Variants in DAB1 observed in about 807,000 individuals in gnomAD.
DAB1 encodes the protein DAB adaptor protein 1, also known as disabled homolog 1.
A neutral mutation model predicts 64.6 loss-of-function variants in DAB1; 15 were observed. The observed-to-expected ratio is 0.23, with a 90% CI of 0.16 to 0.36. DAB1 has a LOEUF of 0.36. DAB1 is among the 10% of genes least tolerant of loss of function. DAB1 has a pLI of 1.00. For missense variants in DAB1, 596 were observed against 706.7 expected (o/e 0.84, Z 1.78); for synonymous variants, 235 against 251.9 (o/e 0.93, Z 0.64).
At chr1:58,541,277 G>C (rs78654085) in intron 1 of DAB1, among the ~76,000 whole-genome samples, 34,453 of 103,772 alleles carry the variant, frequency 0.33, 5,812 homozygotes, top group Middle Eastern at 0.42. Context: ...CTGGGCAACA[G>C]AGTGAGACTC....
chr1:58,397,223 G>GAA (rs1644531061), intron 3 of DAB1, among the ~76,000 whole-genome samples: 1 of 152,192 alleles, frequency 6.6e-6, no homozygotes, highest in South Asian at 2.1e-4. Flanking sequence ...ATTCACAGAA[G>GAA]AACCTGTGAT....
At position 57,028,388 on chromosome 1, in the gene DAB1, T is replaced by G. The variant is rs147319862; in HGVS notation, c.724-2345A>C. Reference sequence around the variant, plus strand: ...TGAGTCCAATTAAACCTCTTTTTCTTCCCAGTCTTGGGTATGTCTTTATCA... The same window carrying G: ...TGAGTCCAATTAAACCTCTTTTTCTGCCCAGTCTTGGGTATGTCTTTATCA... On this transcript the variant is annotated intron_variant, in intron 9 of 14. Coordinates refer to ENST00000371236, the MANE Select transcript of DAB1 (RefSeq NM_001365792.1). Among the ~76,000 whole-genome samples the G allele has an allele frequency of 8.0e-3, 1,223 of 152,248 alleles. 21 individuals are homozygous for G. The highest frequency in any genetic ancestry group is 0.027 in the African/African-American group (1,140 of 41,528).
chr1:58,046,798 G>T (rs1647276228), intron 5 of DAB1, among the ~76,000 whole-genome samples: 1 of 152,176 alleles, frequency 6.6e-6, no homozygotes, highest in African/African-American at 2.4e-5. Context: ...CCTGCCATGT[G>T]CCAGCCACTG....
intron 4 of DAB1, among the ~76,000 whole-genome samples, chr1:57,079,462 C>T (rs560535258): frequency 6.6e-6 from 1 of 152,292 alleles, no homozygotes; most frequent in Admixed American, 6.5e-5. Context: ...AGTCCTTCCT[C>T]ATCCACTTAT....
chr1:57,911,053 T>A (rs944244650), intron 5 of DAB1, among the ~76,000 whole-genome samples: 2 of 152,202 alleles, frequency 1.3e-5, no homozygotes, highest in Admixed American at 6.5e-5. Context: ...CTGTCATCCA[T>A]CCATACAACA....
chr1:58,192,979 G>A (rs1364312561), intron 4 of DAB1, among the ~76,000 whole-genome samples: 1 of 152,080 alleles, frequency 6.6e-6, no homozygotes, highest in African/African-American at 2.4e-5. Flanking sequence ...TGTGTTATTT[G>A]TATTTTACCA....
intron 5 of DAB1, among the ~76,000 whole-genome samples, chr1:58,147,691 G>T (rs1323147512): frequency 1.3e-5 from 2 of 151,918 alleles, no homozygotes; most frequent in African/African-American, 2.4e-5. Context: ...CTACCATATG[G>T]CTCAGCAGTC....
chr1:57,122,587 T>C (rs1656758925), intron 4 of DAB1, among the ~76,000 whole-genome samples: 1 of 152,190 alleles, frequency 6.6e-6, no homozygotes, highest in African/African-American at 2.4e-5. Context: ...GGAATAGAGA[T>C]ACTGTAGGTG....
Position 57,182,075 on chromosome 1 carries a change from C to T in DAB1, c.68-36646G>A, listed in dbSNP as rs962832312. 9.9e-5 allele frequency among the ~76,000 whole-genome samples: 15 copies of T among 152,060 alleles called. No individual in the cohort carries two copies. In the East Asian group the frequency reaches 1.4e-3, roughly 14 times the overall value. On this transcript the variant is annotated intron_variant, in intron 2 of 14. Coordinates refer to ENST00000371236, the MANE Select transcript of DAB1 (RefSeq NM_001365792.1). ...TGATTTTTTGTATTTTTAATAGAGACGGGGTTTCACCGTGTTAGCCAGGAT... is the reference window on the plus strand; with the variant it reads ...TGATTTTTTGTATTTTTAATAGAGATGGGGTTTCACCGTGTTAGCCAGGAT...
chr1:58,059,173 G>C (rs1648333667), intron 5 of DAB1, among the ~76,000 whole-genome samples: 1 of 152,132 alleles, frequency 6.6e-6, no homozygotes, highest in South Asian at 2.1e-4. Flanking sequence ...TTGCCTCCCT[G>C]GGCTGGTCAC....
At chr1:57,458,705 G>T (rs933192826) in intron 7 of DAB1, among the ~76,000 whole-genome samples, 1 of 152,068 alleles carries the variant, frequency 6.6e-6, no homozygotes, top group Non-Finnish European at 1.5e-5. Context: ...ATCTAACAGA[G>T]TTGGAATTAA....
Position 58,351,337 on chromosome 1 carries a change from A to G in DAB1, n.258-7934T>C, listed in dbSNP as rs374094416. ...TACTTTCAAAGAGTCAAATATGTGAAACAGCCCGGAAAGATCAAAAGGGAT... is the reference window on the plus strand; with the variant it reads ...TACTTTCAAAGAGTCAAATATGTGAGACAGCCCGGAAAGATCAAAAGGGAT... On this transcript the variant is annotated intron_variant and non_coding_transcript_variant, in intron 3 of 20. Coordinates refer to the DAB1 transcript ENST00000485760. Among the ~76,000 whole-genome samples the G allele has an allele frequency of 9.2e-5, 14 of 152,286 alleles. No individual in the cohort carries two copies. The East Asian group carries it at 2.7e-3, about 29-fold the overall frequency.
chr1:57,599,341 GA>G (rs971768991), intron 7 of DAB1, among the ~76,000 whole-genome samples: 4 of 151,808 alleles, frequency 2.6e-5, no homozygotes, highest in Non-Finnish European at 4.4e-5. Context: ...CTCTGTTAGA[GA>G]AAAAAAGCAC....
intron 6 of DAB1, among the ~76,000 whole-genome samples, chr1:57,697,532 AG>A (rs2101725541): frequency 6.6e-6 from 1 of 152,100 alleles, no homozygotes; most frequent in African/African-American, 2.4e-5. Flanking sequence ...AGAAATGATA[AG>A]GTATCAGTCA....
In DAB1 at chr1:58,128,940, C is replaced by T. The variant is rs1181000452; in HGVS notation, n.387+21571G>A. ...TCTCTTTTTTGGTTGTGTCTCTGCC[C>T]GGCTTTGGTATCAGAATGATGCTGG... On this transcript the variant is annotated intron_variant and non_coding_transcript_variant, in intron 5 of 20. Coordinates refer to the DAB1 transcript ENST00000485760. Among the ~76,000 whole-genome samples the T allele has an allele frequency of 3.6e-3, 515 of 144,696 alleles. 2 individuals are homozygous for T. The highest frequency in any genetic ancestry group is 0.012 in the African/African-American group (458 of 38,446). 94.9% of individuals were successfully genotyped at this position (144,696 alleles called of 152,430 possible).
intron 6 of DAB1, among the ~76,000 whole-genome samples, chr1:57,761,653 C>A (rs554653321): frequency 1.2e-4 from 19 of 152,336 alleles, no homozygotes; most frequent in African/African-American, 4.3e-4. Flanking sequence ...AGCCCAGCTG[C>A]GAACATGACT....
At chr1:57,074,164 C>T (rs371824679) in intron 4 of DAB1, among the ~76,000 whole-genome samples, 12 of 152,242 alleles carry the variant, frequency 7.9e-5, no homozygotes, top group Middle Eastern at 6.8e-3. Flanking sequence ...ACCACTGCAC[C>T]GGCCATTTAT....
chr1:58,297,368 G>A (rs1332361841), intron 4 of DAB1, among the ~76,000 whole-genome samples: 1 of 152,174 alleles, frequency 6.6e-6, no homozygotes, highest in African/African-American at 2.4e-5. Context: ...GTAATGATGA[G>A]TATAAATATC....
intron 9 of DAB1, among the ~76,000 whole-genome samples, chr1:57,034,853 G>T (rs1220602210): frequency 6.6e-6 from 1 of 152,150 alleles, no homozygotes; most frequent in Non-Finnish European, 1.5e-5. Context: ...GCTTTGTCAG[G>T]ATTTGCTTTC....
Sources: allele counts gnomAD v4.1 joint callset (sites outside exome capture counted in the v4.1 genomes callset), GRCh38; gene constraint gnomAD v4.1.1; transcripts MANE v1.5; gene names NCBI Gene and HGNC (gene_info 2026-07-23, HGNC 2026-07-21).